Variants in TSHZ2 observed in about 807,000 individuals in gnomAD.
The protein encoded by TSHZ2 is teashirt homolog 2.
Under a neutral mutation model 74.4 loss-of-function variants are expected in TSHZ2, and 21 were observed. The observed-to-expected ratio is 0.28, with a 90% CI of 0.20 to 0.41. TSHZ2 has a LOEUF of 0.41. TSHZ2 is among the 10% of genes least tolerant of loss of function. The pLI is 1.00. For synonymous variants in TSHZ2, 540 were observed against 515.3 expected (o/e 1.05, Z -0.65); for missense variants, 1,244 against 1,293.5 (o/e 0.96, Z 0.59).
chr20:53,113,767 C>A (rs567829554), intron 1 of TSHZ2, among the ~76,000 whole-genome samples: 2 of 152,150 alleles, frequency 1.3e-5, no homozygotes, highest in African/African-American at 2.4e-5. Flanking sequence ...CTTTTAATAC[C>A]TTAGGCATCT....
At chr20:53,358,554 A>G (rs1474887727) in intron 2 of TSHZ2, among the ~76,000 whole-genome samples, 1 of 151,930 alleles carries the variant, frequency 6.6e-6, no homozygotes, top group Middle Eastern at 3.2e-3. Context: ...CATGTTGGCC[A>G]GGCTGGTCTC....
At chr20:53,069,639 C>G (rs1190525270) in intron 1 of TSHZ2, among the ~76,000 whole-genome samples, 2 of 150,044 alleles carry the variant, frequency 1.3e-5, no homozygotes, top group South Asian at 2.1e-4. Context: ...CTAATCCTGC[C>G]TAGCAAAAGG....
chr20:53,417,074 C>T (rs1165462205), intron 2 of TSHZ2, among the ~76,000 whole-genome samples: 1 of 152,164 alleles, frequency 6.6e-6, no homozygotes, highest in East Asian at 1.9e-4. Flanking sequence ...CAGTGCTGGC[C>T]TGCACCCTCC....
At chr20:53,073,609 T>C (rs1443118850) in intron 1 of TSHZ2, among the ~76,000 whole-genome samples, 1 of 152,248 alleles carries the variant, frequency 6.6e-6, no homozygotes, top group East Asian at 1.9e-4. Flanking sequence ...ACAGTAAGTA[T>C]GAGTCATTTT....
At chr20:53,102,370 G>C (rs1266523365) in intron 1 of TSHZ2, among the ~76,000 whole-genome samples, 1 of 150,136 alleles carries the variant, frequency 6.7e-6, no homozygotes. Context: ...TTCACTTTTT[G>C]TCACATAGAC....
chr20:53,152,186 AT>A (rs200285831), intron 1 of TSHZ2, among the ~76,000 whole-genome samples: 70 of 151,220 alleles, frequency 4.6e-4, no homozygotes, highest in Middle Eastern at 6.8e-3. Context: ...GATTGGCAAC[AT>A]TTTTTTTTCA....
rs1175907478 is a variant in TSHZ2, at chr20:53,342,955, C to CTTTTTTTTTTTTTTTTTTTTTTT, written c.*8+86391_*8+86413dup. The stretch of plus-strand genomic sequence containing the variant: ...TATTTCTTTTCTTTTCTTTTCTTTT[C>CTTTTTTTTTTTTTTTTTTTTTTT]TTTTTTTTTTTTTTTTTTTTTTTTT... On this transcript the variant is annotated intron_variant, in intron 2 of 2. Coordinates refer to ENST00000371497, the MANE Select transcript of TSHZ2 (RefSeq NM_173485.6). Among the ~76,000 whole-genome samples the CTTTTTTTTTTTTTTTTTTTTTTT allele has an allele frequency of 2.8e-4, 17 of 61,220 alleles. 2 individuals carry two copies. The highest frequency in any genetic ancestry group is 0.015 in the Middle Eastern group (1 of 66). 40.2% of individuals were successfully genotyped at this position (61,220 alleles called of 152,430 possible).
chr20:53,257,225 T>C (rs893674437), intron 2 of TSHZ2, among the ~76,000 whole-genome samples: 1 of 152,256 alleles, frequency 6.6e-6, no homozygotes, highest in African/African-American at 2.4e-5. Flanking sequence ...AATATTCTTC[T>C]TTGCAGAACA....
chr20:53,360,525 A>AT (rs1981010006), intron 2 of TSHZ2, among the ~76,000 whole-genome samples: 1 of 152,142 alleles, frequency 6.6e-6, no homozygotes, highest in Non-Finnish European at 1.5e-5. Flanking sequence ...GTGACTATAT[A>AT]TTTTTTTGTT....
At chr20:53,305,844 G>A (rs925352560) in intron 2 of TSHZ2, among the ~76,000 whole-genome samples, 5 of 152,048 alleles carry the variant, frequency 3.3e-5, no homozygotes, top group African/African-American at 7.2e-5. Flanking sequence ...CAGGCATGGC[G>A]GTGTGCACCT....
At chr20:53,134,063 G>A (rs1017267300) in intron 1 of TSHZ2, among the ~76,000 whole-genome samples, 1 of 151,026 alleles carries the variant, frequency 6.6e-6, no homozygotes, top group African/African-American at 2.4e-5. Context: ...AAAAATTAAA[G>A]GCATTCTACT....
intron 2 of TSHZ2, among the ~76,000 whole-genome samples, chr20:53,431,061 A>G (rs1405213680): frequency 6.6e-6 from 1 of 151,978 alleles, no homozygotes; most frequent in Non-Finnish European, 1.5e-5. Flanking sequence ...TTAGTTTTTA[A>G]TTCACATTTT....
chr20:53,276,805 G>A (rs532106195), intron 2 of TSHZ2, among the ~76,000 whole-genome samples: 3 of 152,264 alleles, frequency 2.0e-5, no homozygotes, highest in East Asian at 1.9e-4. Flanking sequence ...GGGACCACAC[G>A]TTGAGAACCA....
intron 1 of TSHZ2, chr20:53,178,368 GA>G (rs962246662): frequency 5.3e-5 from 8 of 152,240 alleles, no homozygotes; most frequent in East Asian, 1.9e-4. Context: ...GTCACTCTGA[GA>G]AGAGGAAGGG....
intron 1 of TSHZ2, among the ~76,000 whole-genome samples, chr20:53,149,486 G>T (rs1987625015): frequency 6.6e-6 from 1 of 152,212 alleles, no homozygotes; most frequent in Non-Finnish European, 1.5e-5. Flanking sequence ...GAGAGGAGGA[G>T]TTTCTGCCAG....
intron 1 of TSHZ2, among the ~76,000 whole-genome samples, chr20:53,240,186 C>T (rs541713819): frequency 7.3e-4 from 111 of 152,132 alleles, no homozygotes; most frequent in Non-Finnish European, 6.9e-4. Context: ...TGGTAAAAAC[C>T]CTTACTTTCT....
At chr20:52,991,803 T>TGG (rs1371747141) in intron 1 of TSHZ2, among the ~76,000 whole-genome samples, 5 of 151,630 alleles carry the variant, frequency 3.3e-5, no homozygotes, top group Admixed American at 6.6e-5. Flanking sequence ...GTGTGTGTTG[T>TGG]GGGGAAAGAG....
rs1987721871 is a variant in TSHZ2, at chr20:53,153,437, GT to G, written c.41-100060del. Among the ~76,000 whole-genome samples, 4 of 152,202 alleles carry G rather than the reference GT, an allele frequency of 2.6e-5. No homozygotes were observed. In the South Asian group the frequency reaches 8.3e-4, roughly 32 times the overall value. On this transcript the variant is annotated intron_variant, in intron 1 of 2. Coordinates refer to ENST00000371497, the MANE Select transcript of TSHZ2 (RefSeq NM_173485.6). ...ACCACATCAAATTGTATATTGGGAT[GT>G]TACAGTTCTTGGACTGCAAGCAGGA...
intron 2 of TSHZ2, among the ~76,000 whole-genome samples, chr20:53,408,276 C>T (rs1189159536): frequency 1.3e-5 from 2 of 152,162 alleles, no homozygotes; most frequent in Admixed American, 6.5e-5. Flanking sequence ...ATGTCCCCAG[C>T]GTTCGACACA....
Sources: allele counts gnomAD v4.1 joint callset (sites outside exome capture counted in the v4.1 genomes callset), GRCh38; gene constraint gnomAD v4.1.1; transcripts MANE v1.5; gene names NCBI Gene and HGNC (gene_info 2026-07-23, HGNC 2026-07-21).